OSBP2: variants seen among roughly 807,000 people sequenced by gnomAD.
The protein encoded by OSBP2 is oxysterol-binding protein 2.
A neutral mutation model predicts 96.0 loss-of-function variants in OSBP2; 66 were observed. That is an observed-to-expected ratio of 0.69 (90% CI 0.56 to 0.84). OSBP2 has a LOEUF of 0.84. OSBP2 is among the 40% of genes least tolerant of loss of function. OSBP2 has a pLI of 0.00. For missense variants in OSBP2, 1,038 were observed against 1,222.7 expected (o/e 0.85, Z 2.25); for synonymous variants, 525 against 520.9 (o/e 1.01, Z -0.11).
At chr22:30,781,196 G>A (rs1022686014) in intron 2 of OSBP2, among the ~76,000 whole-genome samples, 8 of 149,924 alleles carry the variant, frequency 5.3e-5, no homozygotes, top group Non-Finnish European at 7.4e-5. Flanking sequence ...TGTGCAGGCT[G>A]GTCCTGAACT....
At chr22:30,779,175 G>T (rs769680951) in intron 2 of OSBP2, among the ~76,000 whole-genome samples, 72 of 151,388 alleles carry the variant, frequency 4.8e-4, no homozygotes, top group Non-Finnish European at 9.0e-4. Context: ...TCTGCCCACC[G>T]GGTTCAAGTG....
At chr22:30,856,393 T>C (rs112134545) in intron 2 of OSBP2, among the ~76,000 whole-genome samples, 65,984 of 125,428 alleles carry the variant, frequency 0.53, 17,289 homozygotes, top group African/African-American at 0.75. Flanking sequence ...TTTTTTTTTT[T>C]TTTTTTTTTT....
At chr22:30,720,846 C>A (rs982392622) in intron 1 of OSBP2, among the ~76,000 whole-genome samples, 1 of 152,176 alleles carries the variant, frequency 6.6e-6, no homozygotes, top group Non-Finnish European at 1.5e-5. Flanking sequence ...ATAGTTGAGG[C>A]CTCCTTGGGG....
chr22:30,807,783 C>G (rs950862234), intron 2 of OSBP2, among the ~76,000 whole-genome samples: 1 of 151,818 alleles, frequency 6.6e-6, no homozygotes, highest in Non-Finnish European at 1.5e-5. Flanking sequence ...AAGGGACCAG[C>G]TGGGTCTTTT....
chr22:30,879,024 G>C (rs1025856185), intron 3 of OSBP2, among the ~76,000 whole-genome samples: 4 of 152,326 alleles, frequency 2.6e-5, no homozygotes, highest in African/African-American at 9.6e-5. Context: ...GGGGCCCTCA[G>C]ACAGGGCTTC....
At chr22:30,720,573 T>C (rs2089532179) in intron 1 of OSBP2, among the ~76,000 whole-genome samples, 1 of 152,210 alleles carries the variant, frequency 6.6e-6, no homozygotes. Context: ...TCCTCTTAGT[T>C]ACACAGGTGA....
intron 8 of OSBP2, among the ~76,000 whole-genome samples, chr22:30,892,812 C>G (rs567302419): frequency 1.6e-3 from 244 of 152,272 alleles, no homozygotes; most frequent in Non-Finnish European, 3.0e-3. Flanking sequence ...GTGTGACACC[C>G]TTTATCAGCC....
At chr22:30,754,712 A>C (rs947304358) in intron 2 of OSBP2, among the ~76,000 whole-genome samples, 7 of 151,988 alleles carry the variant, frequency 4.6e-5, no homozygotes, top group African/African-American at 1.5e-4. Context: ...CGCCGGCCTC[A>C]TCTTGGGGTC....
chr22:30,710,222 A>C (rs1015610981), intron 1 of OSBP2, among the ~76,000 whole-genome samples: 2 of 152,172 alleles, frequency 1.3e-5, no homozygotes, highest in Non-Finnish European at 2.9e-5. Flanking sequence ...ACTTCCCCTC[A>C]TCTGCTACTC....
intron 2 of OSBP2, among the ~76,000 whole-genome samples, chr22:30,839,735 GA>G (rs2038709369): frequency 6.6e-6 from 1 of 151,584 alleles, no homozygotes; most frequent in African/African-American, 2.4e-5. Flanking sequence ...GTAGATTCTG[GA>G]TATTAGCCCT....
In OSBP2 at chr22:30,870,426, C is replaced by T; in HGVS notation, c.854-3C>T. On this transcript the variant is annotated splice_region_variant and splice_polypyrimidine_tract_variant and intron_variant, in intron 2 of 13. Coordinates refer to ENST00000332585, the MANE Select transcript of OSBP2 (RefSeq NM_030758.4). The surrounding 1 kb of genome is among the most constrained non-coding windows in gnomAD (Gnocchi z 4.1). ...ACCGTAACAACTCTATTTTCTTCCA[C>T]AGATGACTCTGGGGACGACGACGAG... 1.2e-6 allele frequency: 2 copies of T among 1,613,746 alleles called. No individual in the cohort carries two copies. The highest frequency in any genetic ancestry group is 1.7e-6 in the Non-Finnish European group (2 of 1,179,992).
chr22:30,896,607 T>C (rs1046997447), intron 12 of OSBP2, among the ~76,000 whole-genome samples: 1 of 150,230 alleles, frequency 6.7e-6, no homozygotes, highest in African/African-American at 2.4e-5. Context: ...TATAAATAGA[T>C]GAAGCTCACC....
chr22:30,693,986 C>T (rs1359331408), upstream of OSBP2: 14 of 1,147,958 alleles, frequency 1.2e-5, no homozygotes, highest in East Asian at 2.6e-5. Flanking sequence ...AAAAAAAAAG[C>T]GGAAAAAAAA....
chr22:30,694,941 G>A lies in OSBP2; in HGVS notation c.32G>A (p.Gly11Asp), dbSNP rs779127892. 4 of 1,467,640 alleles carry A rather than the reference G, an allele frequency of 2.7e-6. No individual in the cohort carries two copies. The highest frequency in any genetic ancestry group is 1.5e-5 in the African/African-American group (1 of 68,112). The allele number at this position is 1,467,640 out of a possible 1,614,324, so 90.9% of individuals were successfully genotyped here. MGKAAAPSRG[G>D]GCGGRSRGLS... ...AAAGCGGCGGCTCCGAGCCGAGGCGGCGGCTGTGGCGGCCGCTCCCGCGGG... is the reference window on the plus strand; with the variant it reads ...AAAGCGGCGGCTCCGAGCCGAGGCGACGGCTGTGGCGGCCGCTCCCGCGGG... Residue 11 changes from glycine to aspartate, a missense_variant, in exon 1 of 14, where the codon GGC (glycine) becomes GAC (aspartate). Gly to Asp is a moderately conservative substitution (Grantham distance 94). Around this residue, in one of 3 missense-constraint regions of OSBP2, gnomAD observed 20 missense variants for 36.0 expected, o/e 0.55. Coordinates refer to ENST00000332585, the MANE Select transcript of OSBP2 (RefSeq NM_030758.4).
chr22:30,861,623 C>T (rs1406180025), intron 2 of OSBP2, among the ~76,000 whole-genome samples: 2 of 152,202 alleles, frequency 1.3e-5, no homozygotes, highest in African/African-American at 4.8e-5. Flanking sequence ...TTGAACGTCT[C>T]GGAGTCTTCA....
Position 30,889,636 on chromosome 22 carries a change from G to A in OSBP2, c.1623G>A (p.Pro541=), listed in dbSNP as rs781758349. The A allele has an allele frequency of 1.2e-5, 19 of 1,613,692 alleles. No homozygotes were observed. Among genetic ancestry groups the A allele is most frequent in the African/African-American group, 5.3e-5 (4 of 74,910 alleles). ...GGGAGCTCTCCAGGATCCCCATGCCGGTGGGTGGCTCGGGCAGGGCAGCCC... is the reference window on the plus strand; with the variant it reads ...GGGAGCTCTCCAGGATCCCCATGCCAGTGGGTGGCTCGGGCAGGGCAGCCC... The part of the protein sequence containing the change: ...IGRELSRIPM[P]VNFNEPLSML... Residue 541 remains proline (P), a splice_region_variant and synonymous_variant, in exon 7 of 14, where the codon CCG becomes CCA. Coordinates refer to ENST00000332585, the MANE Select transcript of OSBP2 (RefSeq NM_030758.4).
chr22:30,822,480 A>C (rs2038295318), intron 2 of OSBP2: 8 of 1,136,066 alleles, frequency 7.0e-6, no homozygotes, highest in Non-Finnish European at 9.1e-6. Flanking sequence ...GGCGGGCGGC[A>C]GTGGTGCATT....
chr22:30,837,835 C>T (rs1306106701), intron 2 of OSBP2, among the ~76,000 whole-genome samples: 1 of 152,168 alleles, frequency 6.6e-6, no homozygotes, highest in Non-Finnish European at 1.5e-5. Flanking sequence ...GCCCTGAAGA[C>T]TCTGCTTCTT....
chr22:30,868,928 C>T (rs938554679), intron 2 of OSBP2, among the ~76,000 whole-genome samples: 16 of 152,254 alleles, frequency 1.1e-4, no homozygotes, highest in Non-Finnish European at 1.9e-4. Context: ...TCTTGGGTTA[C>T]AGATTTTCTT....
Sources: allele counts gnomAD v4.1 joint callset (sites outside exome capture counted in the v4.1 genomes callset), GRCh38; gene constraint gnomAD v4.1.1; regional missense constraint gnomAD v4.1.1; non-coding constraint Gnocchi (gnomAD v3.1); transcripts MANE v1.5; gene names NCBI Gene and HGNC (gene_info 2026-07-23, HGNC 2026-07-21).